Variants in LRCH1 observed in about 807,000 individuals in gnomAD.
LRCH1 encodes the protein leucine rich repeats and calponin homology domain containing 1, also known as leucine-rich repeat and calponin homology domain-containing protein 1.
Under a neutral mutation model 94.9 loss-of-function variants are expected in LRCH1, and 23 were observed. That is an observed-to-expected ratio of 0.24 (90% CI 0.17 to 0.34). LRCH1 has a LOEUF of 0.34. LRCH1 is among the 10% of genes least tolerant of loss of function. The probability of loss-of-function intolerance (pLI) is 1.00; values close to 1 mark genes in which losing one functional copy is unlikely to be tolerated. For synonymous variants in LRCH1, 364 were observed against 354.9 expected (o/e 1.03, Z -0.29); for missense variants, 790 against 945.9 (o/e 0.84, Z 2.16).
chr13:46,610,433 A>G lies in LRCH1; in HGVS notation c.308-39768A>G, dbSNP rs1424628006. ...TATTTTTTATTTAAAAACTTGTAATATTTTATTAAGTTATCTACCCAAATC... is the reference window on the plus strand; with the variant it reads ...TATTTTTTATTTAAAAACTTGTAATGTTTTATTAAGTTATCTACCCAAATC... On this transcript the variant is annotated intron_variant, in intron 1 of 19. Coordinates refer to ENST00000389797, the MANE Select transcript of LRCH1 (RefSeq NM_001164211.2). 2.0e-5 allele frequency among the ~76,000 whole-genome samples: 3 copies of G among 150,064 alleles called. No homozygotes were observed. The East Asian group carries it at 5.8e-4, about 29-fold the overall frequency.
chr13:46,564,583 A>T (rs2050162526), intron 1 of LRCH1, among the ~76,000 whole-genome samples: 2 of 152,204 alleles, frequency 1.3e-5, no homozygotes, highest in Non-Finnish European at 2.9e-5. Context: ...TAAGTCAGGG[A>T]TCCACTTGGA....
Position 46,738,363 on chromosome 13 carries a change from G to A in LRCH1, c.2086-3279G>A, listed in dbSNP as rs561336203. Among the ~76,000 whole-genome samples the A allele has an allele frequency of 6.6e-5, 10 of 152,346 alleles. No individual in the cohort carries two copies. The East Asian group carries it at 1.9e-3, about 29-fold the overall frequency. ...GCTAATGATGATTGTGTCAATGTAA[G>A]TGGAATTATGGCTGAGTTTTCCTTA... is the stretch of plus-strand genomic sequence containing the variant. On this transcript the variant is annotated intron_variant, in intron 19 of 19. Coordinates refer to ENST00000389797, the MANE Select transcript of LRCH1 (RefSeq NM_001164211.2).
At chr13:46,740,525 G>A (rs535676980) in intron 19 of LRCH1, among the ~76,000 whole-genome samples, 6 of 152,266 alleles carry the variant, frequency 3.9e-5, no homozygotes, top group African/African-American at 1.4e-4. Flanking sequence ...CAGCTGCTTA[G>A]CAGTGAGGCC....
intron 1 of LRCH1, among the ~76,000 whole-genome samples, chr13:46,640,689 T>G (rs1274785141): frequency 6.6e-6 from 1 of 152,268 alleles, no homozygotes; most frequent in Non-Finnish European, 1.5e-5. Context: ...GAGCTTACGT[T>G]CTAGGAAGGG....
chr13:46,554,091 C>T (rs2137886229), intron 1 of LRCH1, among the ~76,000 whole-genome samples: 1 of 152,372 alleles, frequency 6.6e-6, no homozygotes, highest in Non-Finnish European at 1.5e-5. Flanking sequence ...CTGGGCCCCG[C>T]GCAGGGCTGG....
At chr13:46,717,165 C>T (rs1190793437) in intron 16 of LRCH1, among the ~76,000 whole-genome samples, 1 of 151,952 alleles carries the variant, frequency 6.6e-6, no homozygotes, top group Non-Finnish European at 1.5e-5. Flanking sequence ...CTGCCTGGGT[C>T]ACACTGTGGG....
At chr13:46,585,020 T>C (rs1258143243) in intron 1 of LRCH1, among the ~76,000 whole-genome samples, 1 of 152,182 alleles carries the variant, frequency 6.6e-6, no homozygotes, top group Non-Finnish European at 1.5e-5. Flanking sequence ...GCTTCACTAC[T>C]GGAAAGTAAA....
intron 18 of LRCH1, among the ~76,000 whole-genome samples, chr13:46,731,200 A>C (rs1190958978): frequency 2.0e-5 from 3 of 149,718 alleles, no homozygotes; most frequent in African/African-American, 7.4e-5. Context: ...AATTTTTTAA[A>C]TGTATTATTG....
At chr13:46,586,387 A>C (rs550976593) in intron 1 of LRCH1, among the ~76,000 whole-genome samples, 1 of 152,038 alleles carries the variant, frequency 6.6e-6, no homozygotes, top group Non-Finnish European at 1.5e-5. Context: ...GGCTGAGGGG[A>C]GCATCATTCA....
intron 2 of LRCH1, among the ~76,000 whole-genome samples, chr13:46,651,728 T>C (rs2051302621): frequency 6.9e-6 from 1 of 144,232 alleles, no homozygotes; most frequent in African/African-American, 2.5e-5. Context: ...TGATATGCAG[T>C]CTCACTCTGT....
intron 1 of LRCH1, among the ~76,000 whole-genome samples, chr13:46,572,113 G>A (rs1267947980): frequency 6.6e-6 from 1 of 152,130 alleles, no homozygotes; most frequent in South Asian, 2.1e-4. Context: ...TTGTTCCCTT[G>A]GTCTGCCAGC....
intron 1 of LRCH1, among the ~76,000 whole-genome samples, chr13:46,585,571 A>C (rs11839119): frequency 2.0e-5 from 3 of 149,386 alleles, no homozygotes; most frequent in Admixed American, 1.3e-4. Context: ...AAAAAAAAAA[A>C]CAAAAAAACG....
intron 13 of LRCH1, among the ~76,000 whole-genome samples, chr13:46,710,833 G>T (rs1445415675): frequency 1.3e-5 from 2 of 152,096 alleles, no homozygotes; most frequent in Admixed American, 1.3e-4. Flanking sequence ...GGATCAGGGG[G>T]TTCTTGACTA....
intron 3 of LRCH1, among the ~76,000 whole-genome samples, chr13:46,676,073 C>A (rs962522312): frequency 1.3e-5 from 2 of 152,152 alleles, no homozygotes; most frequent in Admixed American, 6.5e-5. Context: ...CCAGCCTGAC[C>A]AACATGGTGA....
At chr13:46,652,989 T>C (rs1238917227) in intron 2 of LRCH1, among the ~76,000 whole-genome samples, 1 of 152,226 alleles carries the variant, frequency 6.6e-6, no homozygotes, top group East Asian at 1.9e-4. Flanking sequence ...GAATAGATTA[T>C]TGCTGTCTTC....
chr13:46,560,140 C>CATATATATATATATATACATATATATAT (rs58876595), intron 1 of LRCH1, among the ~76,000 whole-genome samples: 1 of 133,800 alleles, frequency 7.5e-6, no homozygotes, highest in African/African-American at 2.5e-5. Flanking sequence ...TCTGTTCCCC[C>CATATATATATATATATACATATATATAT]ATATATATAG....
chr13:46,659,399 G>T (rs1200458623), intron 2 of LRCH1, among the ~76,000 whole-genome samples: 1 of 151,968 alleles, frequency 6.6e-6, no homozygotes, highest in African/African-American at 2.4e-5. Flanking sequence ...CACCATGTTG[G>T]CCAGGCTGGT....
intron 3 of LRCH1, among the ~76,000 whole-genome samples, chr13:46,678,125 C>T (rs1342378288): frequency 2.0e-5 from 3 of 152,264 alleles, no homozygotes; most frequent in Non-Finnish European, 4.4e-5. Flanking sequence ...TTTCCTAAAT[C>T]GTATCTTCTT....
intron 2 of LRCH1, among the ~76,000 whole-genome samples, chr13:46,659,751 A>G (rs1457666134): frequency 6.6e-6 from 1 of 152,132 alleles, no homozygotes; most frequent in Non-Finnish European, 1.5e-5. Context: ...TGTTCAATCA[A>G]TAATTTGAAT....
Sources: allele counts gnomAD v4.1 joint callset (sites outside exome capture counted in the v4.1 genomes callset), GRCh38; gene constraint gnomAD v4.1.1; transcripts MANE v1.5; gene names NCBI Gene and HGNC (gene_info 2026-07-23, HGNC 2026-07-21).